CNR2: variants seen among roughly 807,000 people sequenced by gnomAD.
CNR2 encodes the protein cannabinoid receptor 2 (macrophage).
For synonymous variants in CNR2, 172 were observed against 182.2 expected (o/e 0.94, Z 0.45); for missense variants, 379 against 439.9 (o/e 0.86, Z 1.24).
intron 1 of CNR2, among the ~76,000 whole-genome samples, chr1:23,897,226 T>A (rs1640300795): frequency 6.6e-6 from 1 of 152,084 alleles, no homozygotes; most frequent in Admixed American, 6.6e-5. Flanking sequence ...ATGGCAGTTA[T>A]GCAATTAATC....
rs538385981 is a variant in CNR2, at chr1:23,910,699, C to G, written c.-46+2547G>C. ...AAAAAAGAAAGAAAAGAAAAGAAAA[C>G]AAAACAAAAAAACAAAAAACAAAAA... On this transcript the variant is annotated intron_variant, in intron 1 of 1. Coordinates refer to ENST00000374472, the MANE Select transcript of CNR2 (RefSeq NM_001841.3). Among the ~76,000 whole-genome samples the G allele has an allele frequency of 4.1e-3, 369 of 89,054 alleles. 1 individual carries two copies. The highest frequency in any genetic ancestry group is 0.014 in the African/African-American group (323 of 23,896). The allele number at this position is 89,054 out of a possible 152,430, so 58.4% of individuals were successfully genotyped here.
At chr1:23,884,551 C>T (rs1052731788) in intron 1 of CNR2, among the ~76,000 whole-genome samples, 2 of 151,430 alleles carry the variant, frequency 1.3e-5, no homozygotes, top group African/African-American at 4.9e-5. Context: ...AATGATCCAC[C>T]CGATTCAGCC....
intron 1 of CNR2, among the ~76,000 whole-genome samples, chr1:23,889,024 C>T (rs1189285863): frequency 6.6e-6 from 1 of 151,958 alleles, no homozygotes; most frequent in Non-Finnish European, 1.5e-5. Context: ...ACCACCATGA[C>T]CAAGTCCTTT....
chr1:23,903,625 G>A (rs1354197898), intron 1 of CNR2, among the ~76,000 whole-genome samples: 1 of 151,498 alleles, frequency 6.6e-6, no homozygotes, highest in African/African-American at 2.4e-5. Context: ...CAGTAAGAAG[G>A]GCATGCCTAG....
At chr1:23,891,313 G>T (rs2148464912) in intron 1 of CNR2, among the ~76,000 whole-genome samples, 1 of 150,694 alleles carries the variant, frequency 6.6e-6, no homozygotes, top group Non-Finnish European at 1.5e-5. Flanking sequence ...GTGAGCCTAT[G>T]AATTATACTG....
intron 1 of CNR2, among the ~76,000 whole-genome samples, chr1:23,897,481 A>ATTTTTTTTTTTTTT (rs35662001): frequency 6.7e-6 from 1 of 149,904 alleles, no homozygotes; most frequent in African/African-American, 2.5e-5. Context: ...TGTTAATAGA[A>ATTTTTTTTTTTTTT]TTTTTTTTTT....
chr1:23,910,990 T>G (rs1029332510), intron 1 of CNR2, among the ~76,000 whole-genome samples: 1 of 152,160 alleles, frequency 6.6e-6, no homozygotes, highest in Non-Finnish European at 1.5e-5. Context: ...TTGGTTTTTC[T>G]CATCTGTAAG....
intron 1 of CNR2, among the ~76,000 whole-genome samples, chr1:23,899,554 G>A (rs143727745): frequency 0.032 from 4,892 of 151,548 alleles, 94 homozygotes; most frequent in Middle Eastern, 0.054. Context: ...GGTAGTTCAC[G>A]CCTGTAATCC....
At chr1:23,903,079 G>GGGC (rs57812017) in intron 1 of CNR2, among the ~76,000 whole-genome samples, 148,515 of 150,660 alleles carry the variant, frequency 0.99, 73,234 homozygotes, top group Non-Finnish European at 1. Flanking sequence ...CACCATTCAT[G>GGGC]GGCGGCGGCG....
Position 23,875,060 on chromosome 1 carries a change from G to A in CNR2, c.558C>T (p.Ile186=), listed in dbSNP as rs1266995528. The A allele has an allele frequency of 2.5e-6, 4 of 1,603,166 alleles. No homozygotes were observed. In the Admixed American group the frequency reaches 5.1e-5, roughly 21 times the overall value. The change falls in exon 2 of 2, where the codon ATC becomes ATT. Residue 186 remains isoleucine, a synonymous_variant. Transcript: ENST00000374472. ...GCCAGCTCAGCAGGTAGTCATTGGG[G>A]ATCAGTGGGAAAAGCTCAGAGCAGG... ...PRPCSELFPL[I]PNDYLLSWLL... is the part of the protein sequence containing the mutation.
At position 23,874,157 on chromosome 1, in the gene CNR2, C is replaced by T. The variant is rs1557520471; in HGVS notation, c.*378G>A. On this transcript the variant is annotated 3_prime_UTR_variant, in exon 2 of 2. Coordinates refer to ENST00000374472, the MANE Select transcript of CNR2 (RefSeq NM_001841.3). ...TCCATCCCATCTGATACCCTGACTTCCCAAGAGAACAACCCATTCTTCTCA... is the reference window on the plus strand; with the variant it reads ...TCCATCCCATCTGATACCCTGACTTTCCAAGAGAACAACCCATTCTTCTCA... The T allele has an allele frequency of 1.6e-5, 3 of 187,552 alleles. No homozygotes were observed. Among genetic ancestry groups the T allele is most frequent in the Admixed American group, 5.3e-5 (1 of 18,914 alleles). 11.6% of individuals were successfully genotyped at this position (187,552 alleles called of 1,614,324 possible).
In CNR2 at chr1:23,874,490, G is replaced by A; in HGVS notation, c.*45C>T. On this transcript the variant is annotated 3_prime_UTR_variant, in exon 2 of 2. Transcript: ENST00000374472. ...GACCCCTCTCTCTCTTCCAGGGAGTGAACTGATTTCTGACTTGAGTTGTTT... is the reference window on the plus strand; with the variant it reads ...GACCCCTCTCTCTCTTCCAGGGAGTAAACTGATTTCTGACTTGAGTTGTTT... 6.4e-7 allele frequency: 1 copy of A among 1,572,666 alleles called. No individual in the cohort carries two copies. The highest frequency in any genetic ancestry group is 8.6e-7 in the Non-Finnish European group (1 of 1,159,020).
At chr1:23,894,172 A>G (rs7550371) in intron 1 of CNR2, among the ~76,000 whole-genome samples, 122,355 of 149,692 alleles carry the variant, frequency 0.82, 50,115 homozygotes, top group Admixed American at 0.84. Flanking sequence ...TGTAATCCCA[A>G]TACTTTGGGA....
At chr1:23,895,562 A>G (rs1348675974) in intron 1 of CNR2, among the ~76,000 whole-genome samples, 1 of 152,016 alleles carries the variant, frequency 6.6e-6, no homozygotes, top group Non-Finnish European at 1.5e-5. Flanking sequence ...GCTGGAGTGC[A>G]GTGGCGTGAT....
chr1:23,871,403 A>G lies in CNR2; in HGVS notation c.*3132T>C, dbSNP rs1639763251. 6.6e-6 allele frequency: 1 copy of G among 152,242 alleles called. No individual in the cohort carries two copies. The highest frequency in any genetic ancestry group is 2.4e-5 in the African/African-American group (1 of 41,466). The allele number at this position is 152,242 out of a possible 1,614,324, so 9.4% of individuals were successfully genotyped here. ...AAGGAATGACAGTATATAAACATGC[A>G]AATTCACTTTTAAACATTTATGCTA... On this transcript the variant is annotated 3_prime_UTR_variant, in exon 2 of 2. Transcript: ENST00000374472.
At chr1:23,910,654 CAA>C (rs34083515) in intron 1 of CNR2, among the ~76,000 whole-genome samples, 2 of 32,194 alleles carry the variant, frequency 6.2e-5, no homozygotes, top group African/African-American at 1.7e-4. Flanking sequence ...AACGCTGTCT[CAA>C]AAAAAAAAAA....
intron 1 of CNR2, chr1:23,902,095 T>G (rs1640409534): frequency 6.0e-6 from 9 of 1,499,240 alleles, no homozygotes; most frequent in Non-Finnish European, 8.4e-6. Flanking sequence ...TCGGATCAGA[T>G]AGAGGGCTCG....
chr1:23,896,881 G>GTTTTTTTTTT (rs5773060), intron 1 of CNR2, among the ~76,000 whole-genome samples: 2 of 141,806 alleles, frequency 1.4e-5, no homozygotes. Flanking sequence ...CACCAGGAGT[G>GTTTTTTTTTT]TTTTTTTTTT....
chr1:23,910,915 G>T (rs983900907), intron 1 of CNR2, among the ~76,000 whole-genome samples: 21 of 152,186 alleles, frequency 1.4e-4, no homozygotes, highest in African/African-American at 5.1e-4. Flanking sequence ...AGGACTCTCT[G>T]CTCACACTGG....
Sources: allele counts gnomAD v4.1 joint callset (sites outside exome capture counted in the v4.1 genomes callset), GRCh38; gene constraint gnomAD v4.1.1; transcripts MANE v1.5; gene names NCBI Gene and HGNC (gene_info 2026-07-23, HGNC 2026-07-21).